Variants in CFAP54 observed in about 807,000 individuals in gnomAD.
The protein encoded by CFAP54 is cilia- and flagella-associated protein 54.
In CFAP54, 290 loss-of-function variants were observed where a neutral mutation model predicts 370.4. The observed-to-expected ratio is 0.78, with a 90% CI of 0.71 to 0.86. The LOEUF is 0.86. Ranked by LOEUF, CFAP54 falls within the 40% of genes least tolerant of loss-of-function variation. The pLI, the probability that CFAP54 is intolerant of heterozygous loss-of-function variation, is 0.00. For missense variants in CFAP54, 3,399 were observed against 3,528.7 expected (o/e 0.96, Z 0.93); for synonymous variants, 1,206 against 1,236.5 (o/e 0.98, Z 0.52).
intron 19 of CFAP54, among the ~76,000 whole-genome samples, chr12:96,570,856 A>G (rs1192725551): frequency 5.9e-5 from 9 of 152,068 alleles, no homozygotes; most frequent in Admixed American, 6.6e-5. Flanking sequence ...TTGGTGCTTT[A>G]TATGTATTTT....
chr12:96,805,007 T>C (rs1565984343), intron 63 of CFAP54, among the ~76,000 whole-genome samples: 1 of 152,188 alleles, frequency 6.6e-6, no homozygotes, highest in Non-Finnish European at 1.5e-5. Flanking sequence ...GGACACCCTG[T>C]TTAATAAATG....
At chr12:96,620,775 A>T (rs1008409141) in intron 26 of CFAP54, among the ~76,000 whole-genome samples, 1 of 152,218 alleles carries the variant, frequency 6.6e-6, no homozygotes, top group South Asian at 2.1e-4. Context: ...TCTGAAGTTG[A>T]TGCTAGAGCC....
chr12:96,665,217 A>AT lies in CFAP54; in HGVS notation c.5563+1285_5563+1286insT, dbSNP rs1157401393. On this transcript the variant is annotated intron_variant, in intron 39 of 67. Coordinates refer to ENST00000524981, the MANE Select transcript of CFAP54 (RefSeq NM_001306084.2). ...GTTCCTTATAGATGCTGGATATTAG[A>AT]CCTTTGTTGGATGCATAGTTTGGAA... is the stretch of plus-strand genomic sequence containing the variant. Among the ~76,000 whole-genome samples, 337 of 151,506 alleles carry AT rather than the reference A, an allele frequency of 2.2e-3. 1 individual carries two copies. Among genetic ancestry groups the AT allele is most frequent in the African/African-American group, 7.7e-3 (319 of 41,278 alleles).
intron 66 of CFAP54, among the ~76,000 whole-genome samples, chr12:96,846,689 T>G (rs1436152799): frequency 2.0e-5 from 3 of 152,162 alleles, no homozygotes; most frequent in African/African-American, 7.2e-5. Context: ...GGTGATACTG[T>G]CAACTCTATC....
At chr12:96,842,221 A>G (rs1232298427) in intron 66 of CFAP54, among the ~76,000 whole-genome samples, 1 of 152,178 alleles carries the variant, frequency 6.6e-6, no homozygotes, top group Non-Finnish European at 1.5e-5. Flanking sequence ...TCCTTTTTAA[A>G]TTAAACTATT....
chr12:96,508,510 TCCTGA>T (rs1356850089), intron 4 of CFAP54, among the ~76,000 whole-genome samples: 1 of 151,674 alleles, frequency 6.6e-6, no homozygotes, highest in Non-Finnish European at 1.5e-5. Context: ...GGTCTTGAAC[TCCTGA>T]CCTCAGGCAA....
chr12:96,590,985 A>C (rs1468057195), intron 23 of CFAP54, among the ~76,000 whole-genome samples: 11 of 152,194 alleles, frequency 7.2e-5, no homozygotes, highest in Admixed American at 2.6e-4. Context: ...GGTATCTCCC[A>C]GGAAACGACT....
intron 17 of CFAP54, among the ~76,000 whole-genome samples, chr12:96,563,348 C>T (rs1185372456): frequency 6.6e-6 from 1 of 152,148 alleles, no homozygotes; most frequent in Non-Finnish European, 1.5e-5. Context: ...CCTACCTTGT[C>T]TTTCTTTAGC....
At chr12:96,806,452 G>A (rs1013696562) in intron 63 of CFAP54, among the ~76,000 whole-genome samples, 2 of 151,270 alleles carry the variant, frequency 1.3e-5, no homozygotes, top group Non-Finnish European at 2.9e-5. Flanking sequence ...GCAGGAATCC[G>A]GCCAGTCTAC....
intron 64 of CFAP54, among the ~76,000 whole-genome samples, chr12:96,814,236 T>G (rs1008487388): frequency 6.6e-6 from 1 of 152,228 alleles, no homozygotes; most frequent in Non-Finnish European, 1.5e-5. Context: ...TCTCTAGGTA[T>G]TGGAATAAAA....
chr12:96,729,309 T>G (rs972545465), intron 50 of CFAP54, among the ~76,000 whole-genome samples: 6 of 152,224 alleles, frequency 3.9e-5, no homozygotes, highest in African/African-American at 1.4e-4. Flanking sequence ...CCGGCAGGCC[T>G]CCTTGAGCTG....
intron 19 of CFAP54, chr12:96,573,037 C>T: frequency 1.0e-6 from 1 of 985,376 alleles, no homozygotes; most frequent in Non-Finnish European, 1.2e-6. Context: ...GCTGGCTGGT[C>T]AGTGGAGATG....
intron 54 of CFAP54, 35 bp downstream of exon 54, chr12:96,743,945 C>G: frequency 6.2e-7 from 1 of 1,601,396 alleles, no homozygotes; most frequent in Non-Finnish European, 8.5e-7. Context: ...GACATAGAAA[C>G]TTACTTTTCT....
chr12:96,498,448 A>G (rs1183957509), intron 1 of CFAP54, among the ~76,000 whole-genome samples: 1 of 152,262 alleles, frequency 6.6e-6, no homozygotes, highest in African/African-American at 2.4e-5. Context: ...AGGTCAAGAG[A>G]TTGAGACCAT....
intron 43 of CFAP54, 93 bp downstream of exon 43, chr12:96,689,075 T>C: frequency 3.0e-6 from 2 of 670,252 alleles, no homozygotes. Flanking sequence ...AACTCACAGG[T>C]AGCAAAATAA....
chr12:96,594,366 G>A lies in CFAP54; in HGVS notation c.3436G>A (p.Ala1146Thr), dbSNP rs1956154585. Reference protein sequence around the residue: ...LSNFLNDSSYALQAVTQCYGL... With the variant: ...LSNFLNDSSYTLQAVTQCYGL... ...CAACTTCCTAAATGATTCCAGCTAT[G>A]CCCTTCAAGCTGTGACTCAATGTTA... The change falls in exon 25 of 68, where the codon GCC becomes ACC. Residue 1146 changes from alanine (A) to threonine (T), a missense_variant. By Grantham distance (58) the Ala-to-Thr change is moderately conservative. Coordinates refer to ENST00000524981, the MANE Select transcript of CFAP54 (RefSeq NM_001306084.2). The A allele has an allele frequency of 6.5e-7, 1 of 1,534,180 alleles. No homozygotes were observed. Among genetic ancestry groups the A allele is most frequent in the Non-Finnish European group, 8.7e-7 (1 of 1,145,316 alleles).
chr12:96,556,603 G>T (rs1220478559), intron 17 of CFAP54, among the ~76,000 whole-genome samples: 1 of 152,046 alleles, frequency 6.6e-6, no homozygotes, highest in Non-Finnish European at 1.5e-5. Flanking sequence ...ACATGCACAT[G>T]TATGTTCATT....
At chr12:96,570,298 A>G (rs1592856152) in intron 19 of CFAP54, among the ~76,000 whole-genome samples, 1 of 149,016 alleles carries the variant, frequency 6.7e-6, no homozygotes, top group Non-Finnish European at 1.5e-5. Context: ...TTGTGTGCTC[A>G]AGTCTTTTTT....
chr12:96,845,938 A>C (rs1959330942), intron 66 of CFAP54, among the ~76,000 whole-genome samples: 1 of 152,206 alleles, frequency 6.6e-6, no homozygotes, highest in African/African-American at 2.4e-5. Context: ...TTAGGATTAA[A>C]AATACATTAT....
Sources: gnomAD v4.1 joint callset for allele counts (sites outside exome capture counted in the v4.1 genomes callset) on GRCh38, gnomAD v4.1.1 for gene constraint, MANE v1.5 for transcripts, NCBI Gene and HGNC (gene_info 2026-07-23, HGNC 2026-07-21) for gene names.